DYNLT2: variants seen among roughly 807,000 people sequenced by gnomAD.
The protein encoded by DYNLT2 is dynein light chain Tctex-type 2, also known as dynein light chain Tctex-type protein 2.
Under a neutral mutation model 24.3 loss-of-function variants are expected in DYNLT2, and 24 were observed. That is an observed-to-expected ratio of 0.99 (90% confidence interval 0.71 to 1.39). The LOEUF (loss-of-function observed/expected upper bound fraction) is 1.39, where lower values mean the gene tolerates loss of function less well. Ranked by LOEUF, DYNLT2 falls within the 40% of genes most tolerant of loss-of-function variation. The pLI is 0.00. For missense variants in DYNLT2, 246 were observed against 234.5 expected, an observed-to-expected ratio of 1.05 and a Z score of -0.32; for synonymous variants, 85 against 85.4, an observed-to-expected ratio of 1.00 and a Z score of 0.03.
chr6:169,742,900 G>T (rs1789710703), intron 3 of DYNLT2, among the ~76,000 whole-genome samples, 180 bp downstream of exon 3: 1 of 152,134 alleles, frequency 6.6e-6, no homozygotes, highest in African/African-American at 2.4e-5. Flanking sequence ...AACCCAGCTG[G>T]TTTGTACTTT....
At chr6:169,733,127 G>T in the DYNLT2 span, among the ~76,000 whole-genome samples, 1 of 151,772 alleles carries the variant, frequency 6.6e-6, no homozygotes, top group African/African-American at 2.4e-5. Context: ...ACTTTTTGAT[G>T]GGGTTGTTTT....
chr6:169,725,304 T>G, the DYNLT2 span: 1 of 398,668 alleles, frequency 2.5e-6, no homozygotes, highest in African/African-American at 2.1e-5. Flanking sequence ...TCCTTTCCAT[T>G]CATTATAGTT....
chr6:169,733,937 T>TA, the DYNLT2 span, among the ~76,000 whole-genome samples: 2 of 152,188 alleles, frequency 1.3e-5, no homozygotes, highest in East Asian at 3.9e-4. Context: ...GTTTTCCCCT[T>TA]TGTTTATGTC....
chr6:169,743,119 T>C lies in DYNLT2; in HGVS notation c.447A>G (p.Ile149Met), dbSNP rs1413004888. The change falls in exon 3 of 4, where the codon ATA (isoleucine) becomes ATG (methionine). Residue 149 changes from isoleucine to methionine, a missense_variant. Ile to Met is a conservative substitution (Grantham distance 10, BLOSUM62 1). Coordinates refer to ENST00000366774, the MANE Select transcript of DYNLT2 (RefSeq NM_174910.3). ...EFGYHRYKFI[I>M]KVLFIQKTGQ... ...CAGTCTTTTGAATAAATAATACTTTTATAATGAACTTATAACGGTGGTACC... is the reference window on the plus strand; with the variant it reads ...CAGTCTTTTGAATAAATAATACTTTCATAATGAACTTATAACGGTGGTACC... 3 of 1,577,928 alleles carry C rather than the reference T, an allele frequency of 1.9e-6. No individual in the cohort carries two copies. Among genetic ancestry groups the C allele is most frequent in the Non-Finnish European group, 2.6e-6 (3 of 1,157,034 alleles).
the DYNLT2 span, among the ~76,000 whole-genome samples, chr6:169,731,466 A>G: frequency 6.6e-6 from 1 of 152,172 alleles, no homozygotes; most frequent in African/African-American, 2.4e-5. Context: ...AAATAGGCCC[A>G]TTGGGTTTTC....
chr6:169,739,525 A>T (rs1440788511), downstream of DYNLT2, among the ~76,000 whole-genome samples: 1 of 152,146 alleles, frequency 6.6e-6, no homozygotes, highest in Non-Finnish European at 1.5e-5. Context: ...TGGATCCTTG[A>T]TCAAATCCCT....
At chr6:169,745,131 C>T (rs889750194) in intron 1 of DYNLT2, among the ~76,000 whole-genome samples, 52 of 151,516 alleles carry the variant, frequency 3.4e-4, no homozygotes, top group African/African-American at 1.2e-3. Flanking sequence ...CTTGCTCAGT[C>T]GCCCAGGCTG....
chr6:169,739,936 T>C (rs756503286), downstream of DYNLT2, among the ~76,000 whole-genome samples: 3 of 152,170 alleles, frequency 2.0e-5, no homozygotes, highest in African/African-American at 4.8e-5. Flanking sequence ...TACATACATA[T>C]ATACACACAC....
chr6:169,726,062 C>G, the DYNLT2 span, among the ~76,000 whole-genome samples: 1 of 152,198 alleles, frequency 6.6e-6, no homozygotes, highest in Non-Finnish European at 1.5e-5. Flanking sequence ...CATTGCAATG[C>G]CCACTTTCAA....
At chr6:169,728,715 A>G in the DYNLT2 span, among the ~76,000 whole-genome samples, 1 of 152,342 alleles carries the variant, frequency 6.6e-6, no homozygotes, top group East Asian at 1.9e-4. Context: ...CATGAGAAAC[A>G]TGGAGAATCA....
chr6:169,734,643 A>G, the DYNLT2 span, among the ~76,000 whole-genome samples: 1 of 152,178 alleles, frequency 6.6e-6, no homozygotes, highest in Non-Finnish European at 1.5e-5. Flanking sequence ...AGCCGACTTG[A>G]TCGTGGTAGA....
At chr6:169,729,468 C>T in the DYNLT2 span, among the ~76,000 whole-genome samples, 1 of 152,086 alleles carries the variant, frequency 6.6e-6, no homozygotes, top group Non-Finnish European at 1.5e-5. Flanking sequence ...GTTAGTTTAT[C>T]ACTGGGAATC....
chr6:169,728,446 C>T, the DYNLT2 span, among the ~76,000 whole-genome samples: 7 of 152,258 alleles, frequency 4.6e-5, no homozygotes, highest in East Asian at 1.4e-3. Context: ...GGGTAAAAGG[C>T]AACTGAATGT....
At chr6:169,726,882 GA>G in the DYNLT2 span, among the ~76,000 whole-genome samples, 1 of 152,188 alleles carries the variant, frequency 6.6e-6, no homozygotes, top group Non-Finnish European at 1.5e-5. Context: ...TGATAAGGGG[GA>G]AAAAAGCATG....
the DYNLT2 span, among the ~76,000 whole-genome samples, chr6:169,727,301 G>A: frequency 6.6e-6 from 1 of 152,202 alleles, no homozygotes. Flanking sequence ...AGTATCTGGA[G>A]AGGTGGTAGG....
At chr6:169,747,450 C>CT (rs1009862818) in intron 1 of DYNLT2, among the ~76,000 whole-genome samples, 52 of 152,270 alleles carry the variant, frequency 3.4e-4, no homozygotes, top group African/African-American at 1.2e-3. Context: ...CGTTAGGCAA[C>CT]TTTAAGTTCT....
downstream of DYNLT2, among the ~76,000 whole-genome samples, chr6:169,736,590 T>C (rs1341626913): frequency 6.6e-6 from 1 of 152,240 alleles, no homozygotes; most frequent in Non-Finnish European, 1.5e-5. Flanking sequence ...TTTGGCTGGA[T>C]ATGAAATTCT....
the DYNLT2 span, among the ~76,000 whole-genome samples, chr6:169,732,947 T>C: frequency 6.6e-6 from 1 of 152,174 alleles, no homozygotes; most frequent in Non-Finnish European, 1.5e-5. Context: ...CCAGCATCCA[T>C]TGTTTTCGGA....
At chr6:169,728,816 T>C in the DYNLT2 span, among the ~76,000 whole-genome samples, 1 of 152,256 alleles carries the variant, frequency 6.6e-6, no homozygotes. Flanking sequence ...ATTAATCTTC[T>C]GTCTTGAAAA....
Sources: allele counts gnomAD v4.1 joint callset (sites outside exome capture counted in the v4.1 genomes callset), GRCh38; gene constraint gnomAD v4.1.1; transcripts MANE v1.5; gene names NCBI Gene and HGNC (gene_info 2026-07-23, HGNC 2026-07-21).